Variants in RIT2 observed in about 807,000 individuals in gnomAD.
RIT2 encodes GTP-binding protein Rit2.
RIT2 carries 24 observed loss-of-function variants against 23.7 expected under a neutral mutation model. The ratio of observed to expected loss-of-function variants is 1.01; its 90% confidence interval spans 0.73 to 1.43. RIT2 has a LOEUF of 1.43. Among genes scored for constraint, RIT2 ranks in the 40% most tolerant of loss-of-function variants. The pLI is 0.00. For missense variants in RIT2, 236 were observed against 266.9 expected, an observed-to-expected ratio of 0.88 and a Z score of 0.81; for synonymous variants, 107 against 91.1, an observed-to-expected ratio of 1.17 and a Z score of -0.99.
At chr18:43,110,761 A>G (rs574970317) in intron 1 of RIT2, among the ~76,000 whole-genome samples, 1 of 152,156 alleles carries the variant, frequency 6.6e-6, no homozygotes, top group South Asian at 2.1e-4. Context: ...CTGTCATTTA[A>G]TGTTATTTCA....
chr18:42,825,380 A>G (rs2143999100), intron 4 of RIT2, among the ~76,000 whole-genome samples: 1 of 151,960 alleles, frequency 6.6e-6, no homozygotes. Context: ...TCTTTATGGT[A>G]TAAGTTAATT....
At chr18:42,864,169 C>T (rs1466770097) in intron 4 of RIT2, among the ~76,000 whole-genome samples, 1 of 152,152 alleles carries the variant, frequency 6.6e-6, no homozygotes. Flanking sequence ...CTGTTGGTTG[C>T]CATGCCTTTC....
chr18:43,079,504 T>A (rs1913104207), intron 1 of RIT2, among the ~76,000 whole-genome samples: 1 of 152,204 alleles, frequency 6.6e-6, no homozygotes, highest in Non-Finnish European at 1.5e-5. Flanking sequence ...ATCTCCAATT[T>A]TTCCTATAGG....
At chr18:42,933,743 G>T (rs1470985890) in intron 3 of RIT2, among the ~76,000 whole-genome samples, 1 of 152,058 alleles carries the variant, frequency 6.6e-6, no homozygotes, top group African/African-American at 2.4e-5. Context: ...TTCCTGGCCG[G>T]GTGTGGTGGC....
chr18:42,776,466 C>T (rs1913674960), intron 4 of RIT2, among the ~76,000 whole-genome samples: 1 of 152,114 alleles, frequency 6.6e-6, no homozygotes, highest in Non-Finnish European at 1.5e-5. Context: ...CAAATGCATG[C>T]ACTCTGTGTT....
At chr18:42,915,207 C>T (rs1299127377) in intron 4 of RIT2, among the ~76,000 whole-genome samples, 2 of 151,488 alleles carry the variant, frequency 1.3e-5, no homozygotes, top group Admixed American at 1.3e-4. Context: ...TTATCGAGTA[C>T]AGCCAGAGCC....
chr18:43,034,426 T>C (rs977771022), intron 1 of RIT2, among the ~76,000 whole-genome samples: 1 of 152,212 alleles, frequency 6.6e-6, no homozygotes, highest in Non-Finnish European at 1.5e-5. Context: ...TTACTTTTTT[T>C]CTGTAATTCT....
At chr18:42,839,955 A>G (rs971147384) in intron 4 of RIT2, among the ~76,000 whole-genome samples, 1 of 152,218 alleles carries the variant, frequency 6.6e-6, no homozygotes, top group East Asian at 1.9e-4. Context: ...TTAAAAATCA[A>G]AATGGTTAGG....
chr18:42,868,051 G>A (rs574902893), intron 4 of RIT2, among the ~76,000 whole-genome samples: 1 of 152,228 alleles, frequency 6.6e-6, no homozygotes, highest in African/African-American at 2.4e-5. Context: ...GGAAGTTGAG[G>A]GGCAAGTTAG....
At chr18:43,110,012 G>A (rs1002028859) in intron 1 of RIT2, among the ~76,000 whole-genome samples, 1 of 151,972 alleles carries the variant, frequency 6.6e-6, no homozygotes, top group Non-Finnish European at 1.5e-5. Context: ...TTTCCTACTA[G>A]ACAAATCTCT....
chr18:42,908,480 C>T (rs1346699253), intron 4 of RIT2, among the ~76,000 whole-genome samples: 5 of 152,170 alleles, frequency 3.3e-5, no homozygotes, highest in East Asian at 1.9e-4. Context: ...CCTAAAACTA[C>T]ACCAATCACA....
intron 2 of RIT2, among the ~76,000 whole-genome samples, chr18:42,986,548 C>A (rs535221633): frequency 2.6e-5 from 4 of 151,836 alleles, no homozygotes; most frequent in Non-Finnish European, 4.4e-5. Flanking sequence ...GTCACCCAGG[C>A]GGGAGTGCAG....
intron 3 of RIT2, among the ~76,000 whole-genome samples, chr18:42,927,575 T>A (rs2144139762): frequency 6.6e-6 from 1 of 152,132 alleles, no homozygotes; most frequent in African/African-American, 2.4e-5. Flanking sequence ...TAAAGATCCC[T>A]ATACTTTCTG....
rs538278590 is a variant in RIT2 at position 42,755,795 on chromosome 18, A to T, written c.427-12075T>A. On this transcript the variant is annotated intron_variant, in intron 4 of 4. Transcript: ENST00000326695. ...GAGGAGTTGGTTGTCGATTTAGACA[A>T]ATAGACAAATTAAAAGGAAATCTCA... Among the ~76,000 whole-genome samples, 3 of 152,266 alleles carry T rather than the reference A, an allele frequency of 2.0e-5. No individual in the cohort carries two copies. The South Asian group carries it at 6.2e-4, about 32-fold the overall frequency.
intron 4 of RIT2, among the ~76,000 whole-genome samples, chr18:42,844,279 C>T (rs1906847668): frequency 1.3e-5 from 2 of 152,182 alleles, no homozygotes; most frequent in Non-Finnish European, 2.9e-5. Context: ...GGCCACTTGC[C>T]TTGTCACATG....
chr18:43,030,483 T>A (rs988208055), intron 2 of RIT2, among the ~76,000 whole-genome samples: 1 of 151,986 alleles, frequency 6.6e-6, no homozygotes, highest in South Asian at 2.1e-4. Flanking sequence ...AGCAAGACCA[T>A]GAGAGTCTTC....
intron 4 of RIT2, among the ~76,000 whole-genome samples, chr18:42,852,898 A>G (rs571263075): frequency 3.3e-5 from 5 of 150,768 alleles, no homozygotes; most frequent in Non-Finnish European, 4.4e-5. Context: ...CAGTGGTGCA[A>G]TCTTGGCTCA....
intron 2 of RIT2, among the ~76,000 whole-genome samples, chr18:42,981,676 A>C (rs1160451715): frequency 2.6e-5 from 4 of 152,054 alleles, no homozygotes; most frequent in Non-Finnish European, 5.9e-5. Context: ...AAAAATTAAA[A>C]ATATTAAAAA....
chr18:42,816,570 T>C (rs1026421903), intron 4 of RIT2, among the ~76,000 whole-genome samples: 1 of 152,146 alleles, frequency 6.6e-6, no homozygotes, highest in Non-Finnish European at 1.5e-5. Flanking sequence ...CCTCAGGTTT[T>C]TAAGTGTAAA....
Sources: allele counts gnomAD v4.1 joint callset (sites outside exome capture counted in the v4.1 genomes callset), GRCh38; gene constraint gnomAD v4.1.1; transcripts MANE v1.5; gene names NCBI Gene and HGNC (gene_info 2026-07-23, HGNC 2026-07-21).